ZNF141: variants seen among roughly 807,000 people sequenced by gnomAD.
ZNF141 encodes the protein zinc finger protein 141 (clone pHZ-44).
Under a neutral mutation model 11.3 loss-of-function variants are expected in ZNF141, and 7 were observed. The observed-to-expected ratio is 0.62, with a 90% CI of 0.35 to 1.16. The LOEUF (loss-of-function observed/expected upper bound fraction) is 1.16, where lower values mean the gene tolerates loss of function less well. Ranked by LOEUF, ZNF141 falls within the 50% of genes most tolerant of loss-of-function variation. The probability of loss-of-function intolerance (pLI) is 0.02; values close to 1 mark genes in which losing one functional copy is unlikely to be tolerated. For missense variants in ZNF141, 535 were observed against 554.0 expected (o/e 0.97, Z 0.34); for synonymous variants, 183 against 190.7 (o/e 0.96, Z 0.33).
At chr4:363,721 G>C (rs1711590842) in intron 3 of ZNF141, among the ~76,000 whole-genome samples, 1 of 149,692 alleles carries the variant, frequency 6.7e-6, no homozygotes, top group Admixed American at 6.7e-5. Flanking sequence ...TCGTGCCACT[G>C]TACTCCAGCC....
intron 3 of ZNF141, among the ~76,000 whole-genome samples, chr4:349,700 A>T (rs555424559): frequency 2.2e-4 from 34 of 152,304 alleles, no homozygotes; most frequent in African/African-American, 8.2e-4. Context: ...CTGGGTCACA[A>T]GGGTGCTGCT....
At chr4:356,115 C>G (rs58161640) in intron 3 of ZNF141, among the ~76,000 whole-genome samples, 2 of 151,348 alleles carry the variant, frequency 1.3e-5, no homozygotes, top group African/African-American at 4.9e-5. Flanking sequence ...CCTGTAATCC[C>G]AGCTACTCAG....
At chr4:344,309 T>G (rs1553849111) in intron 2 of ZNF141, 26 bp from the exon 3 acceptor site, 1 of 1,582,222 alleles carries the variant, frequency 6.3e-7, no homozygotes, top group South Asian at 1.1e-5. Flanking sequence ...AATAGTCATG[T>G]TATTATTTTT....
At chr4:343,070 T>C (rs1421874641) in intron 1 of ZNF141, 2 of 645,892 alleles carry the variant, frequency 3.1e-6, no homozygotes, top group Non-Finnish European at 5.3e-6. Flanking sequence ...AAAAAGTATT[T>C]AAAAAGTTCC....
chr4:376,986 G>T lies in ZNF141; in HGVS notation c.*3124G>T, dbSNP rs1405491935. Among the ~76,000 whole-genome samples, 2 of 151,854 alleles carry T rather than the reference G, an allele frequency of 1.3e-5. No individual in the cohort carries two copies. The highest frequency in any genetic ancestry group is 2.4e-5 in the African/African-American group (1 of 41,344). The stretch of plus-strand genomic sequence containing the variant: ...TCATGAAGTGTTTATTATGTGAGCT[G>T]GTCAGAAATTATAAGAATGATTTTT... On this transcript the variant is annotated 3_prime_UTR_variant, in exon 4 of 4. Coordinates refer to ENST00000240499, the MANE Select transcript of ZNF141 (RefSeq NM_003441.4).
At position 373,675 on chromosome 4, in the gene ZNF141, A is replaced by G. The variant is rs1553854096; in HGVS notation, c.1238A>G (p.His413Arg). 8 of 1,614,078 alleles carry G rather than the reference A, an allele frequency of 5.0e-6. No individual in the cohort carries two copies. Among genetic ancestry groups the G allele is most frequent in the South Asian group, 2.2e-5 (2 of 91,086 alleles). Residue 413 changes from histidine to arginine, a missense_variant, in exon 4 of 4, where the codon CAT (histidine) becomes CGT (arginine). His to Arg is a conservative substitution (Grantham distance 29). Transcript: ENST00000240499. ...AGACGGTCCACAGATCGGAGTCAAC[A>G]TAAGAAAATTCATAGTGCAGATAAA... ...AFRRSTDRSQ[H>R]KKIHSADKPY...
intron 1 of ZNF141, among the ~76,000 whole-genome samples, chr4:341,141 C>T (rs1721030394): frequency 6.6e-6 from 1 of 151,420 alleles, no homozygotes; most frequent in Admixed American, 6.6e-5. Context: ...GATCTCGGCT[C>T]ACTGCAACCT....
At chr4:366,666 A>T in intron 3 of ZNF141, among the ~76,000 whole-genome samples, 1 of 145,120 alleles carries the variant, frequency 6.9e-6, no homozygotes, top group Admixed American at 6.9e-5. Context: ...TTGCTGCTAG[A>T]CATATTTTAT....
intron 3 of ZNF141, among the ~76,000 whole-genome samples, chr4:356,953 AT>A (rs2108704553): frequency 6.6e-6 from 1 of 152,006 alleles, no homozygotes; most frequent in East Asian, 1.9e-4. Context: ...TTTGCCTTCA[AT>A]TTAACCTTTT....
At chr4:348,886 T>C (rs963243393) in intron 3 of ZNF141, among the ~76,000 whole-genome samples, 16 of 152,234 alleles carry the variant, frequency 1.1e-4, no homozygotes, top group Admixed American at 9.8e-4. Flanking sequence ...AGGGATCACA[T>C]TGAATCTATA....
Position 372,640 on chromosome 4 carries a change from A to T in ZNF141, c.227-24A>T, listed in dbSNP as rs374928162. On this transcript the variant is annotated intron_variant, in intron 3 of 3. Coordinates refer to ENST00000240499, the MANE Select transcript of ZNF141 (RefSeq NM_003441.4). Reference sequence around the variant, plus strand: ...TTATATGAATCTACTAAGTGGGATAATTTGTAATTTTTATTTCTTTCAGCT... The same window carrying T: ...TTATATGAATCTACTAAGTGGGATATTTTGTAATTTTTATTTCTTTCAGCT... 3.3e-5 allele frequency: 49 copies of T among 1,470,672 alleles called. 1 individual carries two copies. In the East Asian group the frequency reaches 3.9e-4, roughly 12 times the overall value. 91.1% of individuals were successfully genotyped at this position (1,470,672 alleles called of 1,614,324 possible).
At chr4:365,236 C>T (rs895786704) in intron 3 of ZNF141, among the ~76,000 whole-genome samples, 2 of 152,228 alleles carry the variant, frequency 1.3e-5, no homozygotes, top group Non-Finnish European at 2.9e-5. Flanking sequence ...TACAGTCTGT[C>T]ACAGCTTCCC....
rs376117004 is a variant in ZNF141 at position 373,379 on chromosome 4, A to C, written c.942A>C (p.Glu314Asp). Residue 314 changes from glutamate to aspartate, a missense_variant, in exon 4 of 4, where the codon GAA (glutamate) becomes GAC (aspartate). Transcript: ENST00000240499. The part of the protein sequence containing the change: ...IHTGEKPYKC[E>D]ECGKAFNRST... ...CTGGAGAGAAACCCTACAAATGTGA[A>C]GAATGTGGCAAAGCCTTTAATAGGT... 76 of 1,613,904 alleles carry C rather than the reference A, an allele frequency of 4.7e-5. 2 individuals carry two copies. The highest frequency in any genetic ancestry group is 6.3e-5 in the Non-Finnish European group (74 of 1,179,948).
At chr4:354,330 C>G (rs782551640) in intron 3 of ZNF141, among the ~76,000 whole-genome samples, 91 of 152,294 alleles carry the variant, frequency 6.0e-4, no homozygotes, top group Middle Eastern at 3.4e-3. Context: ...CCTGCAGGTG[C>G]CTAAGTCCAG....
chr4:349,929 A>G (rs1365684922), intron 3 of ZNF141, among the ~76,000 whole-genome samples: 26 of 152,094 alleles, frequency 1.7e-4, no homozygotes, highest in African/African-American at 2.4e-5. Context: ...CAGTTTCCAC[A>G]CTTTTCTCTT....
At chr4:340,193 G>A (rs1720982133) in intron 1 of ZNF141, among the ~76,000 whole-genome samples, 1 of 152,190 alleles carries the variant, frequency 6.6e-6, no homozygotes, top group Non-Finnish European at 1.5e-5. Context: ...TATACACAAA[G>A]TGCCCACCAG....
rs1262114586 is a variant in ZNF141, at chr4:379,414, C to T, written c.*5552C>T. Among the ~76,000 whole-genome samples, 3 of 151,826 alleles carry T rather than the reference C, an allele frequency of 2.0e-5. No individual in the cohort carries two copies. The highest frequency in any genetic ancestry group is 2.9e-5 in the Non-Finnish European group (2 of 67,946). ...TTTTTGAGACGGAGTCTCGCTCTGT[C>T]GCCAGGCTGGAGTACAGTGGTGCGA... On this transcript the variant is annotated 3_prime_UTR_variant, in exon 4 of 4. Transcript: ENST00000240499.
At chr4:342,695 A>C in intron 1 of ZNF141, 1 of 927,964 alleles carries the variant, frequency 1.1e-6, no homozygotes, top group Non-Finnish European at 1.7e-6. Flanking sequence ...AAGAGAAACC[A>C]TCAGCTGTGT....
Position 377,009 on chromosome 4 carries a change from TTTA to T in ZNF141, c.*3149_*3151del, listed in dbSNP as rs1191679849. On this transcript the variant is annotated 3_prime_UTR_variant, in exon 4 of 4. Transcript: ENST00000240499. ...CTGGTCAGAAATTATAAGAATGATT[TTTA>T]TAAAATGTAGTGAATGTAAAATTTT... is the stretch of plus-strand genomic sequence containing the variant. 6.6e-6 allele frequency among the ~76,000 whole-genome samples: 1 copy of T among 152,196 alleles called. No homozygotes were observed. Among genetic ancestry groups the T allele is most frequent in the Non-Finnish European group, 1.5e-5 (1 of 68,016 alleles).
Sources: allele counts gnomAD v4.1 joint callset (sites outside exome capture counted in the v4.1 genomes callset), GRCh38; gene constraint gnomAD v4.1.1; transcripts MANE v1.5; gene names NCBI Gene and HGNC (gene_info 2026-07-23, HGNC 2026-07-21).